Variants in IFT57 observed in about 807,000 individuals in gnomAD.
IFT57 encodes intraflagellar transport 57.
In IFT57, 59 loss-of-function variants were observed where a neutral mutation model predicts 56.8. The observed-to-expected ratio is 1.04, with a 90% CI of 0.84 to 1.29. The LOEUF is 1.29. Among genes scored for constraint, IFT57 ranks in the 50% most tolerant of loss-of-function variants. The pLI, the probability that IFT57 is intolerant of heterozygous loss-of-function variation, is 0.00. For missense variants in IFT57, 470 were observed against 522.1 expected (o/e 0.90, Z 0.97); for synonymous variants, 209 against 186.1 (o/e 1.12, Z -1.00).
intron 5 of IFT57, among the ~76,000 whole-genome samples, chr3:108,205,533 G>C (rs2080304566): frequency 6.6e-6 from 1 of 151,014 alleles, no homozygotes; most frequent in Non-Finnish European, 1.5e-5. Flanking sequence ...TACTAAGGCA[G>C]TATTGATGCC....
intron 6 of IFT57, among the ~76,000 whole-genome samples, chr3:108,176,529 TA>T (rs1390147421): frequency 6.6e-6 from 1 of 151,888 alleles, no homozygotes; most frequent in Non-Finnish European, 1.5e-5. Context: ...TCAAAGTTTG[TA>T]CATTAAATGA....
chr3:108,206,232 C>T (rs1219031619), intron 5 of IFT57, among the ~76,000 whole-genome samples: 2 of 149,458 alleles, frequency 1.3e-5, no homozygotes, highest in African/African-American at 2.5e-5. Flanking sequence ...ATATACCTAC[C>T]AGTCTTAATC....
Position 108,162,486 on chromosome 3 carries a change from G to A in IFT57, c.1281C>T (p.Gly427=). ...HATVIPEPAT[G]FY The stretch of plus-strand genomic sequence containing the variant: ...TGAAAACCAGTATGTTTTAATAAAA[G>A]CCTGTTGCTGGTTCTGGAATAACTG... The change falls in exon 11 of 11, where the codon GGC becomes GGT. Residue 427 remains glycine (G), a synonymous_variant. Coordinates refer to ENST00000264538, the MANE Select transcript of IFT57 (RefSeq NM_018010.4). 2 of 1,596,932 alleles carry A rather than the reference G, an allele frequency of 1.3e-6. No individual in the cohort carries two copies. Among genetic ancestry groups the A allele is most frequent in the Non-Finnish European group, 1.7e-6 (2 of 1,171,366 alleles).
At chr3:108,180,644 C>A (rs1361542858) in intron 6 of IFT57, among the ~76,000 whole-genome samples, 2 of 151,714 alleles carry the variant, frequency 1.3e-5, no homozygotes, top group African/African-American at 4.8e-5. Context: ...GAAACAAAAT[C>A]AAATAAATGG....
chr3:108,222,376 A>T lies in IFT57; in HGVS notation c.-54T>A. On this transcript the variant is annotated 5_prime_UTR_variant, in exon 1 of 11. Coordinates refer to ENST00000264538, the MANE Select transcript of IFT57 (RefSeq NM_018010.4). The stretch of plus-strand genomic sequence containing the variant: ...TCAGGCCCACAGACCTCTGCGGCCT[A>T]AGCCGCCAGCCCTGCCGCCGCCAGT... 6.6e-7 allele frequency: 1 copy of T among 1,512,284 alleles called. No homozygotes were observed. Among genetic ancestry groups the T allele is most frequent in the Non-Finnish European group, 8.8e-7 (1 of 1,130,974 alleles). 93.7% of individuals were successfully genotyped at this position (1,512,284 alleles called of 1,614,324 possible). A position where few individuals can be genotyped will look rare whatever the true frequency, so the allele number is the denominator to read the frequency against.
chr3:108,169,808 A>C (rs2080083006), intron 6 of IFT57, among the ~76,000 whole-genome samples: 1 of 152,038 alleles, frequency 6.6e-6, no homozygotes, highest in Non-Finnish European at 1.5e-5. Flanking sequence ...ACCATGATCA[A>C]GTCAGTTTCA....
chr3:108,214,804 A>C (rs943202244), intron 3 of IFT57, among the ~76,000 whole-genome samples: 4 of 152,126 alleles, frequency 2.6e-5, no homozygotes, highest in Non-Finnish European at 5.9e-5. Context: ...ATATTAAGAA[A>C]ATTAATGTTT....
chr3:108,188,194 C>T (rs2080195469), intron 6 of IFT57, among the ~76,000 whole-genome samples: 1 of 151,962 alleles, frequency 6.6e-6, no homozygotes, highest in Non-Finnish European at 1.5e-5. Context: ...GGGTCGACCA[C>T]GATGCTGGAG....
At chr3:108,168,201 C>A (rs955442845) in intron 6 of IFT57, among the ~76,000 whole-genome samples, 1 of 151,728 alleles carries the variant, frequency 6.6e-6, no homozygotes, top group East Asian at 1.9e-4. Context: ...TAAGCAGTAA[C>A]AATTATGTTT....
chr3:108,175,440 A>G (rs1290222088), intron 6 of IFT57, among the ~76,000 whole-genome samples: 1 of 151,890 alleles, frequency 6.6e-6, no homozygotes, highest in Non-Finnish European at 1.5e-5. Flanking sequence ...GCACTAAATT[A>G]TAATATTATC....
At chr3:108,210,687 CCCA>C (rs2080338884) in intron 4 of IFT57, among the ~76,000 whole-genome samples, 2 of 151,976 alleles carry the variant, frequency 1.3e-5, no homozygotes. Context: ...ATCATGTTAT[CCCA>C]CCATCAAAAG....
At chr3:108,197,233 A>G (rs921215177) in intron 5 of IFT57, among the ~76,000 whole-genome samples, 1 of 152,176 alleles carries the variant, frequency 6.6e-6, no homozygotes, top group Non-Finnish European at 1.5e-5. Context: ...TTAAACTCCT[A>G]CAACATTCAA....
intron 7 of IFT57, 102 bp from the exon 8 acceptor site, chr3:108,167,087 C>A: frequency 9.9e-7 from 1 of 1,010,248 alleles, no homozygotes; most frequent in Non-Finnish European, 1.4e-6. Context: ...AAATAATCAA[C>A]TACATGTGCA....
Position 108,161,141 on chromosome 3 carries a change from A to G in IFT57, c.*1336T>C, listed in dbSNP as rs1369486835. ...ACCAAAGGTTTTCAGTTTTTGTATT[A>G]GACTCCTCCCAAAGACCACACAGGA... On this transcript the variant is annotated 3_prime_UTR_variant, in exon 11 of 11. Coordinates refer to ENST00000264538, the MANE Select transcript of IFT57 (RefSeq NM_018010.4). 6.6e-6 allele frequency: 1 copy of G among 152,172 alleles called. No individual in the cohort carries two copies. Among genetic ancestry groups the G allele is most frequent in the Non-Finnish European group, 1.5e-5 (1 of 68,026 alleles). 9.4% of individuals were successfully genotyped at this position (152,172 alleles called of 1,614,324 possible). A position where few individuals can be genotyped will look rare whatever the true frequency, so the allele number is the denominator to read the frequency against.
chr3:108,182,518 CTT>C (rs2080156865), intron 6 of IFT57, among the ~76,000 whole-genome samples: 2 of 152,092 alleles, frequency 1.3e-5, no homozygotes, highest in Non-Finnish European at 2.9e-5. Flanking sequence ...TGATTCCATC[CTT>C]AGCACAATGA....
chr3:108,214,111 G>A, intron 3 of IFT57, 90 bp from the exon 4 acceptor site: 1 of 676,606 alleles, frequency 1.5e-6, no homozygotes, highest in East Asian at 2.9e-5. Flanking sequence ...CTCTATGCCA[G>A]GTTTTGTCCT....
intron 9 of IFT57, among the ~76,000 whole-genome samples, 191 bp from the exon 10 acceptor site, chr3:108,163,920 T>G (rs757786387): frequency 6.6e-6 from 1 of 152,098 alleles, no homozygotes; most frequent in Non-Finnish European, 1.5e-5. Flanking sequence ...TTTTTCAGAA[T>G]GCTCCTAATG....
In IFT57 at chr3:108,213,947, A is replaced by T; in HGVS notation, c.569T>A (p.Val190Glu). 1 of 1,606,132 alleles carries T rather than the reference A, an allele frequency of 6.2e-7. No homozygotes were observed. Among genetic ancestry groups the T allele is most frequent in the East Asian group, 2.2e-5 (1 of 44,700 alleles). ...CACACATACCACAAATTCTTCATCCACTTTATTTAATGTTAATTCTGCATC... is the reference window on the plus strand; with the variant it reads ...CACACATACCACAAATTCTTCATCCTCTTTATTTAATGTTAATTCTGCATC... ...EDDAELTLNKVDEEFVEEETD... is the reference protein window; with the variant it reads ...EDDAELTLNKEDEEFVEEETD... The change falls in exon 4 of 11, where the codon GTG (valine) becomes GAG (glutamate). Residue 190 changes from valine to glutamate, a missense_variant. By Grantham distance (121) the Val-to-Glu change is moderately radical. Transcript: ENST00000264538.
intron 4 of IFT57, 56 bp from the exon 5 acceptor site, chr3:108,206,752 C>A: frequency 1.9e-6 from 1 of 513,874 alleles, no homozygotes; most frequent in South Asian, 5.1e-5. Flanking sequence ...AAATATATTT[C>A]CAGTTTCCAC....
Sources: allele counts gnomAD v4.1 joint callset (sites outside exome capture counted in the v4.1 genomes callset), GRCh38; gene constraint gnomAD v4.1.1; transcripts MANE v1.5; gene names NCBI Gene and HGNC (gene_info 2026-07-23, HGNC 2026-07-21).